BICRAL: variants seen among roughly 807,000 people sequenced by gnomAD.
BICRAL encodes the protein BRD4-interacting chromatin-remodeling complex-associated protein-like.
In BICRAL, 8 loss-of-function variants were observed where a neutral mutation model predicts 91.8. That is an observed-to-expected ratio of 0.09 (90% CI 0.05 to 0.16). The LOEUF is 0.16. BICRAL is among the 10% of genes least tolerant of loss of function. The probability of loss-of-function intolerance (pLI) is 1.00; values close to 1 mark genes in which losing one functional copy is unlikely to be tolerated. For synonymous variants in BICRAL, 445 were observed against 491.1 expected (o/e 0.91, Z 1.24); for missense variants, 1,038 against 1,310.9 (o/e 0.79, Z 3.21).
chr6:42,846,250 C>T (rs1765006404), intron 6 of BICRAL, among the ~76,000 whole-genome samples: 1 of 151,840 alleles, frequency 6.6e-6, no homozygotes, highest in Admixed American at 6.6e-5. Context: ...TGGCTGTAAT[C>T]CCAACTACTC....
chr6:42,831,067 C>T (rs1283251157), intron 6 of BICRAL, among the ~76,000 whole-genome samples: 3 of 152,150 alleles, frequency 2.0e-5, no homozygotes, highest in East Asian at 1.9e-4. Flanking sequence ...AATGATACTG[C>T]CATCCCATGG....
intron 5 of BICRAL, among the ~76,000 whole-genome samples, chr6:42,826,231 C>CTTTTT (rs763034286): frequency 3.4e-5 from 4 of 116,888 alleles, no homozygotes; most frequent in Non-Finnish European, 7.6e-5. Context: ...AACTCATGTT[C>CTTTTT]TTTTTTTTTT....
Position 42,866,325 on chromosome 6 carries a change from T to C in BICRAL, c.*879T>C, listed in dbSNP as rs1765710449. 6.1e-6 allele frequency: 1 copy of C among 163,280 alleles called. No individual in the cohort carries two copies. The highest frequency in any genetic ancestry group is 1.3e-5 in the Non-Finnish European group (1 of 74,308). 10.1% of individuals were successfully genotyped at this position (163,280 alleles called of 1,614,324 possible). On this transcript the variant is annotated 3_prime_UTR_variant, in exon 13 of 13. Transcript: ENST00000314073. Reference sequence around the variant, plus strand: ...GTTATAATATTAATATGTATATATGTAAAAGCATATATATGTTAACTATTG... The same window carrying C: ...GTTATAATATTAATATGTATATATGCAAAAGCATATATATGTTAACTATTG...
At chr6:42,779,334 G>A (rs1762852233), upstream of BICRAL, among the ~76,000 whole-genome samples, 1 of 151,114 alleles carries the variant, frequency 6.6e-6, no homozygotes, top group African/African-American at 2.4e-5. Context: ...TAATTGCAAT[G>A]CATAATATAT....
intron 1 of BICRAL, among the ~76,000 whole-genome samples, chr6:42,787,536 GAAAA>G (rs35516791): frequency 6.8e-6 from 1 of 146,390 alleles, no homozygotes; most frequent in African/African-American, 2.5e-5. Context: ...TCTGTGTGGG[GAAAA>G]AAAAAAGCCC....
chr6:42,857,614 A>AAAAAAAAAAAAATATATAT, intron 10 of BICRAL, among the ~76,000 whole-genome samples: 1 of 96,238 alleles, frequency 1.0e-5, no homozygotes, highest in African/African-American at 6.5e-5. Context: ...AAAAAAAAAA[A>AAAAAAAAAAAAATATATAT]ATATATATAT....
rs573506604 is a variant in BICRAL at position 42,807,463 on chromosome 6, A to G, written c.-101-2843A>G. Among the ~76,000 whole-genome samples the G allele has an allele frequency of 7.4e-3, 1,132 of 152,124 alleles. 7 individuals carry two copies. Among genetic ancestry groups the G allele is most frequent in the African/African-American group, 0.024 (1,003 of 41,500 alleles). ...CTCCCAAAGTGTTGGGATTACAGGC[A>G]TGAGCTACCACACCCGGCCTTCATA... On this transcript the variant is annotated intron_variant, in intron 1 of 12. Transcript: ENST00000314073.
At chr6:42,824,092 G>T (rs1193017130) in intron 5 of BICRAL, among the ~76,000 whole-genome samples, 1 of 151,310 alleles carries the variant, frequency 6.6e-6, no homozygotes, top group Non-Finnish European at 1.5e-5. Context: ...AGAAATTGGT[G>T]TGGTGGCGCG....
intron 1 of BICRAL, among the ~76,000 whole-genome samples, chr6:42,804,032 G>GT (rs1356149134): frequency 1.3e-5 from 2 of 152,028 alleles, no homozygotes; most frequent in Admixed American, 6.6e-5. Flanking sequence ...TTGTTTGTTT[G>GT]TTTTTTTGAG....
At chr6:42,823,577 C>T (rs1418827277) in intron 5 of BICRAL, among the ~76,000 whole-genome samples, 1 of 151,844 alleles carries the variant, frequency 6.6e-6, no homozygotes, top group South Asian at 2.1e-4. Context: ...CATTTGAGCT[C>T]AGGAGTTCAA....
chr6:42,834,440 T>G (rs1764584700), intron 6 of BICRAL, among the ~76,000 whole-genome samples: 1 of 152,236 alleles, frequency 6.6e-6, no homozygotes, highest in South Asian at 2.1e-4. Context: ...TTTCCATTGA[T>G]GATTCCTGAT....
chr6:42,781,350 GTTTC>G (rs1029246710), upstream of BICRAL, among the ~76,000 whole-genome samples: 2 of 151,936 alleles, frequency 1.3e-5, no homozygotes, highest in Admixed American at 6.6e-5. Flanking sequence ...CACAGGTAAG[GTTTC>G]AAGAATTTTG....
At chr6:42,788,373 C>T (rs1763167064) in intron 1 of BICRAL, among the ~76,000 whole-genome samples, 2 of 152,004 alleles carry the variant, frequency 1.3e-5, no homozygotes, top group South Asian at 2.1e-4. Flanking sequence ...TACAGGTATG[C>T]ACCACCACAC....
At chr6:42,820,383 G>A (rs1309492248) in intron 2 of BICRAL, among the ~76,000 whole-genome samples, 1 of 152,196 alleles carries the variant, frequency 6.6e-6, no homozygotes, top group Non-Finnish European at 1.5e-5. Flanking sequence ...TAGGCTTAAT[G>A]TATGTCATAA....
chr6:42,862,389 C>T (rs1330011692), intron 11 of BICRAL, 121 bp from the exon 12 acceptor site: 11 of 703,750 alleles, frequency 1.6e-5, no homozygotes, highest in East Asian at 5.2e-5. Context: ...AGAAAGGAGG[C>T]TCACTTTTCA....
intron 1 of BICRAL, among the ~76,000 whole-genome samples, chr6:42,784,958 TC>T (rs1763058908): frequency 6.6e-6 from 1 of 152,154 alleles, no homozygotes; most frequent in Non-Finnish European, 1.5e-5. Context: ...GTTTGGACTG[TC>T]TTGTACTATG....
intron 1 of BICRAL, among the ~76,000 whole-genome samples, chr6:42,751,905 C>A (rs566590846): frequency 2.0e-5 from 3 of 151,914 alleles, no homozygotes; most frequent in Non-Finnish European, 4.4e-5. Flanking sequence ...GATCCGCCCG[C>A]CTCAGCTTCC....
chr6:42,791,741 G>C (rs1763279947), intron 1 of BICRAL, among the ~76,000 whole-genome samples: 1 of 152,092 alleles, frequency 6.6e-6, no homozygotes, highest in South Asian at 2.1e-4. Context: ...TAGGACTATA[G>C]GTGTGAACCA....
rs1314415278 is a variant in BICRAL, at chr6:42,848,154, G to T, written c.1840-3938G>T. On this transcript the variant is annotated intron_variant, in intron 6 of 12. Coordinates refer to ENST00000314073, the MANE Select transcript of BICRAL (RefSeq NM_001393499.1). Reference sequence around the variant, plus strand: ...AAAAAGAAAAAAAAAACAGAAAACAGAAAAAGAAAATCGCTTGAACCCGGG... The same window carrying T: ...AAAAAGAAAAAAAAAACAGAAAACATAAAAAGAAAATCGCTTGAACCCGGG... Among the ~76,000 whole-genome samples the T allele has an allele frequency of 2.0e-5, 3 of 150,032 alleles. No homozygotes were observed. The Admixed American group carries it at 2.0e-4, about 10-fold the overall frequency.
Sources: gnomAD v4.1 joint callset for allele counts (sites outside exome capture counted in the v4.1 genomes callset) on GRCh38, gnomAD v4.1.1 for gene constraint, MANE v1.5 for transcripts, NCBI Gene and HGNC (gene_info 2026-07-23, HGNC 2026-07-21) for gene names.